Variants in CNTN5 observed in about 807,000 individuals in gnomAD.
CNTN5 encodes contactin 5, also known as contactin-5.
CNTN5 carries 77 observed loss-of-function variants against 129.1 expected under a neutral mutation model. The observed-to-expected ratio is 0.60, with a 90% CI of 0.50 to 0.72. The LOEUF is 0.72. Among genes scored for constraint, CNTN5 ranks in the 30% least tolerant of loss-of-function variants. CNTN5 has a pLI of 0.00. For missense variants in CNTN5, 1,478 were observed against 1,328.8 expected (o/e 1.11, Z -1.75); for synonymous variants, 509 against 465.6 (o/e 1.09, Z -1.20).
At chr11:99,321,019 A>T (rs1865547207) in intron 1 of CNTN5, among the ~76,000 whole-genome samples, 1 of 152,104 alleles carries the variant, frequency 6.6e-6, no homozygotes, top group Admixed American at 6.6e-5. Flanking sequence ...GATCTGAGAC[A>T]TTGCTTGTTT....
chr11:100,331,469 C>T (rs1377079059), intron 21 of CNTN5, among the ~76,000 whole-genome samples: 1 of 151,988 alleles, frequency 6.6e-6, no homozygotes, highest in East Asian at 1.9e-4. Context: ...TAAACTAAAA[C>T]CTAGAACAAA....
intron 8 of CNTN5, among the ~76,000 whole-genome samples, chr11:99,970,557 A>T (rs549006785): frequency 1.3e-5 from 2 of 152,344 alleles, no homozygotes; most frequent in South Asian, 4.1e-4. Flanking sequence ...GAAATACATG[A>T]ATACATCCAA....
intron 3 of CNTN5, among the ~76,000 whole-genome samples, chr11:99,598,933 A>G (rs11220590): frequency 0.14 from 21,576 of 152,112 alleles, 1,860 homozygotes; most frequent in Non-Finnish European, 0.19. Context: ...TAAAGCTCAA[A>G]ATTATGCCTA....
intron 3 of CNTN5, among the ~76,000 whole-genome samples, chr11:99,600,541 A>C (rs1220152457): frequency 6.6e-6 from 1 of 152,176 alleles, no homozygotes; most frequent in Admixed American, 6.5e-5. Flanking sequence ...CCCTCAATTC[A>C]TCCCAGCTTC....
chr11:99,260,888 T>C (rs1862594694), intron 1 of CNTN5, among the ~76,000 whole-genome samples: 3 of 151,956 alleles, frequency 2.0e-5, no homozygotes, highest in Non-Finnish European at 4.4e-5. Flanking sequence ...ATAACATCAC[T>C]GATGGGAAAT....
intron 1 of CNTN5, among the ~76,000 whole-genome samples, chr11:99,233,676 G>T (rs182097779): frequency 2.0e-5 from 3 of 152,098 alleles, no homozygotes; most frequent in Non-Finnish European, 4.4e-5. Flanking sequence ...GGCCGGATGC[G>T]GTGGCTCACG....
At chr11:99,741,187 T>C (rs374690964) in intron 3 of CNTN5, among the ~76,000 whole-genome samples, 43 of 152,282 alleles carry the variant, frequency 2.8e-4, no homozygotes, top group African/African-American at 1.0e-3. Context: ...ATTGTTTAAA[T>C]TATTGGGATT....
intron 3 of CNTN5, among the ~76,000 whole-genome samples, chr11:99,698,098 T>TA (rs1229700515): frequency 6.0e-5 from 9 of 150,686 alleles, no homozygotes; most frequent in Middle Eastern, 3.4e-3. Flanking sequence ...GATTTTTTTT[T>TA]ACTACGTATT....
intron 2 of CNTN5, among the ~76,000 whole-genome samples, chr11:99,522,107 T>G (rs1947296925): frequency 6.6e-6 from 1 of 152,168 alleles, no homozygotes; most frequent in Non-Finnish European, 1.5e-5. Flanking sequence ...GGAGGAGGTT[T>G]ATTTTCTTTT....
At chr11:99,100,567 T>C (rs1352689180) in intron 1 of CNTN5, among the ~76,000 whole-genome samples, 5 of 152,142 alleles carry the variant, frequency 3.3e-5, no homozygotes, top group Non-Finnish European at 5.9e-5. Flanking sequence ...TTGTAATTAG[T>C]AATCTATTAA....
intron 13 of CNTN5, among the ~76,000 whole-genome samples, chr11:100,106,213 G>C (rs74426245): frequency 0.092 from 14,022 of 152,186 alleles, 815 homozygotes; most frequent in Admixed American, 0.13. Flanking sequence ...AATGGCAGCT[G>C]TCACCTTCAC....
At position 99,713,582 on chromosome 11, in the gene CNTN5, G is replaced by A. The variant is rs1431314322; in HGVS notation, c.56-105962G>A. Reference sequence around the variant, plus strand: ...AAATTGCAGAAAAAATTGTTGGAGTGGAAATTGCTTTCAGTATCATAAATA... The same window carrying A: ...AAATTGCAGAAAAAATTGTTGGAGTAGAAATTGCTTTCAGTATCATAAATA... On this transcript the variant is annotated intron_variant, in intron 3 of 24. Transcript: ENST00000524871. Among the ~76,000 whole-genome samples the A allele has an allele frequency of 2.6e-5, 4 of 151,778 alleles. No homozygotes were observed. The East Asian group carries it at 5.8e-4, about 22-fold the overall frequency.
intron 1 of CNTN5, among the ~76,000 whole-genome samples, chr11:99,073,148 G>C (rs1340654197): frequency 1.3e-5 from 2 of 151,998 alleles, no homozygotes; most frequent in East Asian, 3.9e-4. Context: ...AGGGCATTTA[G>C]GTTGTTGATA....
chr11:99,783,000 G>T (rs1565525784), intron 3 of CNTN5, among the ~76,000 whole-genome samples: 1 of 151,220 alleles, frequency 6.6e-6, no homozygotes, highest in African/African-American at 2.4e-5. Context: ...AAGAGCTTCT[G>T]CACAGCAAAA....
intron 9 of CNTN5, among the ~76,000 whole-genome samples, chr11:100,050,535 T>C (rs1942901033): frequency 6.6e-6 from 1 of 151,526 alleles, no homozygotes; most frequent in Non-Finnish European, 1.5e-5. Context: ...AAATGACGAG[T>C]TAATGGGTGC....
intron 2 of CNTN5, among the ~76,000 whole-genome samples, chr11:99,516,679 T>C (rs940539674): frequency 1.3e-5 from 2 of 152,140 alleles, no homozygotes; most frequent in South Asian, 2.1e-4. Context: ...TTAAGTACAC[T>C]TGTTTTCAAA....
intron 1 of CNTN5, among the ~76,000 whole-genome samples, chr11:99,192,791 T>C (rs965067978): frequency 5.3e-5 from 8 of 152,074 alleles, no homozygotes; most frequent in African/African-American, 1.7e-4. Context: ...AAATGACAGA[T>C]TTTTACTTAC....
At chr11:99,129,790 G>A (rs1858838510) in intron 1 of CNTN5, among the ~76,000 whole-genome samples, 1 of 152,192 alleles carries the variant, frequency 6.6e-6, no homozygotes, top group Non-Finnish European at 1.5e-5. Context: ...CAAGTCAGAA[G>A]AGATTGGGAG....
At chr11:99,083,033 AAC>A (rs5793966) in intron 1 of CNTN5, among the ~76,000 whole-genome samples, 42,018 of 150,042 alleles carry the variant, frequency 0.28, 6,179 homozygotes, top group East Asian at 0.48. Flanking sequence ...AAATGATTTA[AAC>A]ACACACACAC....
Sources: allele counts gnomAD v4.1 joint callset (sites outside exome capture counted in the v4.1 genomes callset), GRCh38; gene constraint gnomAD v4.1.1; transcripts MANE v1.5; gene names NCBI Gene and HGNC (gene_info 2026-07-23, HGNC 2026-07-21).